RANBP2: variants seen among roughly 807,000 people sequenced by gnomAD.
The protein encoded by RANBP2 is RAN binding protein 2.
A neutral mutation model predicts 303.6 loss-of-function variants in RANBP2; 57 were observed. The observed-to-expected ratio is 0.19, with a 90% CI of 0.15 to 0.23. The LOEUF is 0.23. Among genes scored for constraint, RANBP2 ranks in the 10% least tolerant of loss-of-function variants. The pLI, the probability that RANBP2 is intolerant of heterozygous loss-of-function variation, is 1.00. For synonymous variants in RANBP2, 1,167 were observed against 1,301.5 expected, an observed-to-expected ratio of 0.90 and a Z score of 2.23; for missense variants, 3,138 against 3,780.8, an observed-to-expected ratio of 0.83 and a Z score of 4.46.
chr2:108,790,558 C>T (rs1410350599), downstream of RANBP2, among the ~76,000 whole-genome samples: 5 of 151,842 alleles, frequency 3.3e-5, no homozygotes, highest in African/African-American at 7.3e-5. Context: ...AAAAATTAGC[C>T]GGGCATGGTG....
chr2:109,715,081 CT>C, the RANBP2 span, among the ~76,000 whole-genome samples: 1 of 151,922 alleles, frequency 6.6e-6, no homozygotes, highest in Admixed American at 6.6e-5. Flanking sequence ...GATTCTCCTT[CT>C]TCAGCCTCCC....
the RANBP2 span, among the ~76,000 whole-genome samples, chr2:109,630,719 G>GA: frequency 6.6e-6 from 1 of 152,192 alleles, no homozygotes; most frequent in South Asian, 2.1e-4. Flanking sequence ...CAAGGATCAG[G>GA]AAAGACTTTG....
the RANBP2 span, among the ~76,000 whole-genome samples, chr2:109,150,122 C>G: frequency 3.0e-4 from 46 of 152,248 alleles, no homozygotes; most frequent in Non-Finnish European, 5.9e-4. Flanking sequence ...AGAAGGCCAA[C>G]AAAAGGTGGT....
chr2:109,226,027 T>C, the RANBP2 span, among the ~76,000 whole-genome samples: 7 of 152,282 alleles, frequency 4.6e-5, no homozygotes, highest in African/African-American at 9.6e-5. Context: ...TAGTATTTTG[T>C]CAGGAAAAAA....
the RANBP2 span, among the ~76,000 whole-genome samples, chr2:109,662,198 C>T: frequency 6.6e-6 from 1 of 151,960 alleles, no homozygotes; most frequent in Non-Finnish European, 1.5e-5. Context: ...TTCCTTTGTC[C>T]TCCTTCCTTT....
At chr2:108,859,351 C>G in the RANBP2 span, among the ~76,000 whole-genome samples, 1 of 152,100 alleles carries the variant, frequency 6.6e-6, no homozygotes, top group African/African-American at 2.4e-5. Context: ...TATAGGTTGT[C>G]TGTTTACTCT....
chr2:109,409,843 C>G, the RANBP2 span, among the ~76,000 whole-genome samples: 1 of 152,054 alleles, frequency 6.6e-6, no homozygotes, highest in Non-Finnish European at 1.5e-5. Context: ...GATTTACACC[C>G]CGTGTAATGG....
the RANBP2 span, among the ~76,000 whole-genome samples, chr2:108,801,247 G>T: frequency 0.23 from 2,144 of 9,364 alleles, 91 homozygotes; most frequent in East Asian, 0.41. Flanking sequence ...CCCACCAACA[G>T]TGTAAAAGTG....
chr2:109,106,197 T>A, the RANBP2 span, among the ~76,000 whole-genome samples: 1 of 152,182 alleles, frequency 6.6e-6, no homozygotes, highest in Admixed American at 6.5e-5. Flanking sequence ...TCTCTACTGC[T>A]CTAAAACTTG....
chr2:108,977,684 C>T, the RANBP2 span, among the ~76,000 whole-genome samples: 3 of 152,104 alleles, frequency 2.0e-5, no homozygotes, highest in Admixed American at 2.0e-4. Context: ...CTAGGAGTCA[C>T]TGTTGTTTCA....
the RANBP2 span, among the ~76,000 whole-genome samples, chr2:108,967,321 T>C: frequency 1.3e-5 from 2 of 152,148 alleles, no homozygotes; most frequent in Non-Finnish European, 2.9e-5. Flanking sequence ...ACATGAAGAA[T>C]ATCAAAGGCT....
chr2:109,324,854 A>T, the RANBP2 span, among the ~76,000 whole-genome samples: 4 of 152,190 alleles, frequency 2.6e-5, no homozygotes, highest in Admixed American at 2.6e-4. Flanking sequence ...AGGTGTGTGC[A>T]AGCACGCACG....
At chr2:109,020,547 G>C in the RANBP2 span, among the ~76,000 whole-genome samples, 1 of 152,344 alleles carries the variant, frequency 6.6e-6, no homozygotes, top group East Asian at 1.9e-4. Flanking sequence ...AGATGGAAGA[G>C]AGAGAATACC....
chr2:109,401,980 A>G, the RANBP2 span, among the ~76,000 whole-genome samples: 1 of 152,192 alleles, frequency 6.6e-6, no homozygotes, highest in Non-Finnish European at 1.5e-5. Context: ...CAGGCTACTG[A>G]CTTTAGTTTG....
At chr2:109,590,314 C>T in the RANBP2 span, among the ~76,000 whole-genome samples, 2 of 152,000 alleles carry the variant, frequency 1.3e-5, no homozygotes, top group East Asian at 1.9e-4. Flanking sequence ...AAATCAAACG[C>T]TAACCTAGGT....
Position 108,780,897 on chromosome 2 carries a change from C to T in RANBP2, c.8600-372C>T, listed in dbSNP as rs996876767. Among the ~76,000 whole-genome samples, 15 of 151,980 alleles carry T rather than the reference C, an allele frequency of 9.9e-5. No homozygotes were observed. The East Asian group carries it at 1.4e-3, about 14-fold the overall frequency. The stretch of plus-strand genomic sequence containing the variant: ...GTTAATTTTGTATTTTTAGTAGAGA[C>T]GGGGTTTCTCCATGTTGGTCAGGCT... On this transcript the variant is annotated intron_variant, in intron 25 of 28. Transcript: ENST00000283195.
chr2:108,800,051 A>G, the RANBP2 span, among the ~76,000 whole-genome samples: 26 of 152,276 alleles, frequency 1.7e-4, no homozygotes, highest in Middle Eastern at 3.4e-3. Flanking sequence ...TTTAAAAACT[A>G]TGTATCACCT....
At chr2:109,000,353 C>G in the RANBP2 span, among the ~76,000 whole-genome samples, 1 of 151,990 alleles carries the variant, frequency 6.6e-6, no homozygotes, top group African/African-American at 2.4e-5. Context: ...ATAGCAAGAC[C>G]CCCTCTCTAC....
At chr2:108,946,062 C>G in the RANBP2 span, among the ~76,000 whole-genome samples, 2 of 152,228 alleles carry the variant, frequency 1.3e-5, no homozygotes, top group African/African-American at 4.8e-5. Context: ...ATGAAGGAAT[C>G]TGACATTAGG....
Sources: allele counts gnomAD v4.1 joint callset (sites outside exome capture counted in the v4.1 genomes callset), GRCh38; gene constraint gnomAD v4.1.1; transcripts MANE v1.5; gene names NCBI Gene and HGNC (gene_info 2026-07-23, HGNC 2026-07-21).